The following MOXD1 variants were observed in gnomAD, a reference collection of about 807,000 sequenced individuals.
MOXD1 encodes the protein monooxygenase DBH like 1, also known as DBH-like monooxygenase protein 1.
Under a neutral mutation model 66.6 loss-of-function variants are expected in MOXD1, and 62 were observed. That is an observed-to-expected ratio of 0.93 (90% CI 0.76 to 1.15). The LOEUF (loss-of-function observed/expected upper bound fraction) is 1.15, where lower values mean the gene tolerates loss of function less well. MOXD1 is among the 50% of genes most tolerant of loss of function. The pLI, the probability that MOXD1 is intolerant of heterozygous loss-of-function variation, is 0.00. For synonymous variants in MOXD1, 303 were observed against 281.9 expected (o/e 1.07, Z -0.75); for missense variants, 847 against 754.6 (o/e 1.12, Z -1.44).
chr6:132,345,918 G>A (rs547546807), intron 4 of MOXD1, among the ~76,000 whole-genome samples: 13 of 152,068 alleles, frequency 8.5e-5, no homozygotes, highest in Non-Finnish European at 1.8e-4. Context: ...TCCTGATGGG[G>A]GGATCCCAGC....
In MOXD1 at chr6:132,297,327, G is replaced by A. The variant is rs774064806; in HGVS notation, c.1678-10C>T. On this transcript the variant is annotated splice_polypyrimidine_tract_variant and intron_variant, in intron 11 of 11. Coordinates refer to ENST00000367963, the MANE Select transcript of MOXD1 (RefSeq NM_015529.4). ...CTGTCATTCCTTGAATCTGAAAATG[G>A]AAGCACAAACAATGCAAATGAACAT... The A allele has an allele frequency of 3.7e-6, 6 of 1,611,472 alleles. No individual in the cohort carries two copies. Among genetic ancestry groups the A allele is most frequent in the African/African-American group, 1.3e-5 (1 of 74,774 alleles).
intron 1 of MOXD1, among the ~76,000 whole-genome samples, chr6:132,380,421 C>A (rs1418121273): frequency 6.6e-6 from 1 of 152,080 alleles, no homozygotes; most frequent in African/African-American, 2.4e-5. Flanking sequence ...ATTCTTCTTC[C>A]CTATCCCCCT....
At chr6:132,301,798 C>T (rs937421507) in intron 10 of MOXD1, among the ~76,000 whole-genome samples, 2 of 152,030 alleles carry the variant, frequency 1.3e-5, no homozygotes, top group African/African-American at 2.4e-5. Flanking sequence ...ACTCAAAATT[C>T]GACAAACCAT....
At chr6:132,337,433 T>A (rs997589842) in intron 4 of MOXD1, among the ~76,000 whole-genome samples, 1 of 152,244 alleles carries the variant, frequency 6.6e-6, no homozygotes, top group African/African-American at 2.4e-5. Context: ...TAAAAATAGT[T>A]ACTTCAGTAA....
Position 132,321,219 on chromosome 6 carries a change from G to A in MOXD1, c.1306-531C>T, listed in dbSNP as rs376380447. Among the ~76,000 whole-genome samples, 6 of 151,446 alleles carry A rather than the reference G, an allele frequency of 4.0e-5. No homozygotes were observed. The East Asian group carries it at 7.8e-4, about 20-fold the overall frequency. On this transcript the variant is annotated intron_variant, in intron 8 of 11. Transcript: ENST00000367963. ...GTGGAGGTTGCAGTGAGCCGAGATC[G>A]CACCACTGTACTCCAGCCGGGGTGA...
intron 10 of MOXD1, among the ~76,000 whole-genome samples, chr6:132,310,515 T>A (rs1774804946): frequency 6.6e-6 from 1 of 152,146 alleles, no homozygotes; most frequent in Non-Finnish European, 1.5e-5. Flanking sequence ...CAAAAGAATA[T>A]AAATCATTCT....
intron 10 of MOXD1, among the ~76,000 whole-genome samples, chr6:132,311,489 T>G (rs1029428088): frequency 6.6e-6 from 1 of 151,778 alleles, no homozygotes; most frequent in Non-Finnish European, 1.5e-5. Context: ...AACGTCTCCA[T>G]CTTTCATGAC....
At chr6:132,394,610 G>A (rs569353971) in intron 1 of MOXD1, among the ~76,000 whole-genome samples, 61 of 130,244 alleles carry the variant, frequency 4.7e-4, no homozygotes, top group African/African-American at 1.7e-3. Context: ...TTACCAAAGA[G>A]ATAGATGTCA....
At chr6:132,389,842 T>C (rs1213903891) in intron 1 of MOXD1, among the ~76,000 whole-genome samples, 2 of 151,338 alleles carry the variant, frequency 1.3e-5, no homozygotes, top group African/African-American at 4.8e-5. Flanking sequence ...ATAAGTGAGG[T>C]TTCAATGTAT....
chr6:132,394,960 T>G (rs72994868), intron 1 of MOXD1, among the ~76,000 whole-genome samples: 30,619 of 152,042 alleles, frequency 0.2, 3,264 homozygotes, highest in Middle Eastern at 0.27. Flanking sequence ...AGGCTCAAAG[T>G]TCTCCATATA....
chr6:132,319,283 C>A (rs898130285), intron 9 of MOXD1, among the ~76,000 whole-genome samples: 2 of 151,860 alleles, frequency 1.3e-5, no homozygotes, highest in African/African-American at 4.8e-5. Context: ...AACCTCAAAT[C>A]GTAAAATTTC....
At chr6:132,363,986 CT>C (rs1207835750) in intron 4 of MOXD1, among the ~76,000 whole-genome samples, 1 of 152,052 alleles carries the variant, frequency 6.6e-6, no homozygotes, top group Admixed American at 6.6e-5. Context: ...CTCATCTAAA[CT>C]TTTGTACTAC....
intron 1 of MOXD1, chr6:132,392,290 G>A: frequency 6.2e-7 from 1 of 1,600,276 alleles, no homozygotes; most frequent in Non-Finnish European, 8.5e-7. Flanking sequence ...TTTGAGACAA[G>A]CAAGCAAGGC....
intron 4 of MOXD1, among the ~76,000 whole-genome samples, chr6:132,366,437 A>T (rs1187164103): frequency 6.6e-6 from 1 of 152,116 alleles, no homozygotes; most frequent in Non-Finnish European, 1.5e-5. Flanking sequence ...AACAATGAGA[A>T]CTAGACGGGG....
In MOXD1 at chr6:132,323,933, C is replaced by G; in HGVS notation, c.1111G>C (p.Glu371Gln). Residue 371 changes from glutamate to glutamine, a missense_variant and splice_region_variant, in exon 7 of 12, where the codon GAG (glutamate) becomes CAG (glutamine). Glu to Gln is a conservative substitution (Grantham distance 29). Transcript: ENST00000367963. ...GCTCAGACTCAGATGCTGCATACCTCTTCCAGGCACTCCAAAGTGCAGTGA... is the reference window on the plus strand; with the variant it reads ...GCTCAGACTCAGATGCTGCATACCTGTTCCAGGCACTCCAAAGTGCAGTGA... ...EGHCTLECLE[E>Q]ALEAEKPSGI... The G allele has an allele frequency of 6.2e-7, 1 of 1,606,446 alleles. No homozygotes were observed. The highest frequency in any genetic ancestry group is 8.5e-7 in the Non-Finnish European group (1 of 1,177,608).
intron 4 of MOXD1, 81 bp downstream of exon 4, chr6:132,372,527 T>C: frequency 7.8e-7 from 1 of 1,279,310 alleles, no homozygotes. Flanking sequence ...ATTTCTATAC[T>C]TTTACTGTTT....
intron 4 of MOXD1, among the ~76,000 whole-genome samples, chr6:132,332,839 T>G (rs1490684921): frequency 1.3e-5 from 2 of 152,214 alleles, no homozygotes; most frequent in East Asian, 1.9e-4. Context: ...TGTTATGCTA[T>G]TCTTCTTTAG....
chr6:132,327,199 A>G (rs901367860), intron 6 of MOXD1, among the ~76,000 whole-genome samples: 3 of 152,170 alleles, frequency 2.0e-5, no homozygotes, highest in African/African-American at 7.2e-5. Context: ...TAGGTCACCA[A>G]TTAAATACTC....
chr6:132,323,818 G>T (rs1222289008), intron 7 of MOXD1, 113 bp downstream of exon 7: 2 of 1,189,756 alleles, frequency 1.7e-6, no homozygotes, highest in Non-Finnish European at 2.3e-6. Flanking sequence ...GGGTTTCACA[G>T]TGTGTCAACA....
Sources: allele counts gnomAD v4.1 joint callset (sites outside exome capture counted in the v4.1 genomes callset), GRCh38; gene constraint gnomAD v4.1.1; transcripts MANE v1.5; gene names NCBI Gene and HGNC (gene_info 2026-07-23, HGNC 2026-07-21).